Variants in LEKR1 observed in about 807,000 individuals in gnomAD.
The protein encoded by LEKR1 is protein LEKR1.
LEKR1 carries 59 observed loss-of-function variants against 72.4 expected under a neutral mutation model. The observed-to-expected ratio is 0.82, with a 90% confidence interval of 0.66 to 1.01. LEKR1 has a LOEUF of 1.01. Among genes scored for constraint, LEKR1 ranks in the 50% least tolerant of loss-of-function variants. The pLI, the probability that LEKR1 is intolerant of heterozygous loss-of-function variation, is 0.00. For missense variants in LEKR1, 728 were observed against 759.2 expected, an observed-to-expected ratio of 0.96 and a Z score of 0.48; for synonymous variants, 257 against 263.2, an observed-to-expected ratio of 0.98 and a Z score of 0.23.
At chr3:156,948,413 C>T (rs564012312) in intron 6 of LEKR1, among the ~76,000 whole-genome samples, 1 of 151,246 alleles carries the variant, frequency 6.6e-6, no homozygotes, top group African/African-American at 2.4e-5. Context: ...ATTAGTGACT[C>T]TTGGGCCTAC....
rs1257794166 is a variant in LEKR1 at position 157,028,179 on chromosome 3, C to T, written c.1445C>T (p.Ser482Phe). 1 of 1,611,546 alleles carries T rather than the reference C, an allele frequency of 6.2e-7. No individual in the cohort carries two copies. Among genetic ancestry groups the T allele is most frequent in the Admixed American group, 1.7e-5 (1 of 59,796 alleles). Residue 482 changes from serine (S) to phenylalanine (F), a missense_variant, in exon 12 of 13, where the codon TCC becomes TTC. By Grantham distance (155) the Ser-to-Phe change is radical. Transcript: ENST00000356539. ...ACTCTTAAAGAAAAACTTCACAAAT[C>T]CCATATTCGGTACACTGAAGAATCT... ...VTTLKEKLHKSHIRYTEESNS... is the reference protein window; with the variant it reads ...VTTLKEKLHKFHIRYTEESNS...
At position 156,993,005 on chromosome 3, in the gene LEKR1, A is replaced by G. The variant is rs141897536; in HGVS notation, c.906-69A>G. 3.1e-5 allele frequency: 24 copies of G among 785,782 alleles called. No homozygotes were observed. In the East Asian group the frequency reaches 6.2e-4, roughly 20 times the overall value. The allele number at this position is 785,782 out of a possible 1,614,324, so 48.7% of individuals were successfully genotyped here. A position where few individuals can be genotyped will look rare whatever the true frequency, so the allele number is the denominator to read the frequency against. On this transcript the variant is annotated intron_variant, in intron 8 of 12. Coordinates refer to ENST00000356539, the MANE Select transcript of LEKR1 (RefSeq NM_001004316.3). ...CTATAATTTCAAATGAGCTCTTGAT[A>G]CATCTTTGGTAAATATAAAATGTAG...
chr3:157,042,060 T>C (rs552199873), intron 12 of LEKR1, among the ~76,000 whole-genome samples: 6 of 152,342 alleles, frequency 3.9e-5, no homozygotes, highest in African/African-American at 7.2e-5. Flanking sequence ...ATTGAATAGA[T>C]TATAAATCTG....
intron 3 of LEKR1, among the ~76,000 whole-genome samples, chr3:156,912,015 A>T (rs1025761100): frequency 3.3e-5 from 5 of 149,996 alleles, no homozygotes; most frequent in Non-Finnish European, 7.4e-5. Flanking sequence ...AAATTTTAGG[A>T]TTTTTTTTCT....
chr3:156,978,755 A>G (rs1394620468), intron 6 of LEKR1, among the ~76,000 whole-genome samples: 1 of 151,904 alleles, frequency 6.6e-6, no homozygotes. Context: ...AGCCTGGAAC[A>G]TGATTTGTCT....
chr3:156,969,630 A>G (rs893353265), intron 6 of LEKR1, among the ~76,000 whole-genome samples: 2 of 152,018 alleles, frequency 1.3e-5, no homozygotes, highest in African/African-American at 4.8e-5. Context: ...GCAATAATGA[A>G]TAGCTTACCA....
intron 6 of LEKR1, among the ~76,000 whole-genome samples, chr3:156,943,855 T>TA (rs909704214): frequency 6.6e-6 from 1 of 151,884 alleles, no homozygotes; most frequent in Non-Finnish European, 1.5e-5. Context: ...ATGCAACAGA[T>TA]AAAAATTTTA....
intron 3 of LEKR1, among the ~76,000 whole-genome samples, chr3:156,868,696 T>C (rs192198130): frequency 1.7e-4 from 26 of 152,178 alleles, no homozygotes; most frequent in Middle Eastern, 6.8e-3. Context: ...GTTGGGAATA[T>C]TTCAAATTAT....
chr3:157,033,650 C>T (rs1270109173), intron 12 of LEKR1, among the ~76,000 whole-genome samples: 2 of 152,166 alleles, frequency 1.3e-5, no homozygotes, highest in Non-Finnish European at 2.9e-5. Flanking sequence ...ATAGCAAGTG[C>T]TCATGTCGAA....
chr3:156,896,694 A>G (rs140865527), intron 3 of LEKR1, among the ~76,000 whole-genome samples: 3 of 152,360 alleles, frequency 2.0e-5, no homozygotes, highest in Non-Finnish European at 2.9e-5. Flanking sequence ...ATGCTGTTAT[A>G]TATACCCAAA....
Position 156,992,700 on chromosome 3 carries a change from T to A in LEKR1, c.875T>A (p.Leu292Gln). The change falls in exon 8 of 13, where the codon CTG becomes CAG. Residue 292 changes from leucine (L) to glutamine (Q), a missense_variant. By Grantham distance (113) the Leu-to-Gln change is moderately radical. Transcript: ENST00000356539. The stretch of plus-strand genomic sequence containing the variant: ...GACTGTCAAAGAGAACTTAAAAAAC[T>A]GAAGTTTGAATCCATTATTTCTGAG... ...ADDCQRELKK[L>Q]KFESIISESQ... 1.9e-6 allele frequency: 2 copies of A among 1,046,080 alleles called. No individual in the cohort carries two copies. The highest frequency in any genetic ancestry group is 2.4e-6 in the Non-Finnish European group (2 of 830,068). The allele number at this position is 1,046,080 out of a possible 1,614,324, so 64.8% of individuals were successfully genotyped here.
intron 12 of LEKR1, among the ~76,000 whole-genome samples, chr3:157,044,132 T>C (rs538817680): frequency 6.6e-6 from 1 of 152,340 alleles, no homozygotes; most frequent in East Asian, 1.9e-4. Context: ...TGTTTTACAC[T>C]AAGAAGCAGA....
intron 9 of LEKR1, among the ~76,000 whole-genome samples, chr3:156,999,667 C>T (rs1731861991): frequency 2.0e-5 from 3 of 152,176 alleles, no homozygotes; most frequent in South Asian, 2.1e-4. Context: ...TGCCATCTCT[C>T]CTTACCAAGC....
intron 9 of LEKR1, among the ~76,000 whole-genome samples, chr3:156,994,830 A>G (rs2108010944): frequency 6.6e-6 from 1 of 152,344 alleles, no homozygotes; most frequent in Non-Finnish European, 1.5e-5. Flanking sequence ...TACCCAGAAT[A>G]TCATATTTCC....
At chr3:157,041,909 C>G (rs1008842539) in intron 12 of LEKR1, among the ~76,000 whole-genome samples, 1 of 152,188 alleles carries the variant, frequency 6.6e-6, no homozygotes, top group African/African-American at 2.4e-5. Flanking sequence ...ATTCTTTTCA[C>G]GTATGATGGA....
At chr3:156,920,531 T>C in intron 3 of LEKR1, 44 bp from the exon 4 acceptor site, 2 of 1,230,722 alleles carry the variant, frequency 1.6e-6, no homozygotes, top group Non-Finnish European at 2.2e-6. Context: ...TTGAAAATTG[T>C]ACATATGAGA....
intron 4 of LEKR1, among the ~76,000 whole-genome samples, chr3:156,925,946 A>T (rs895594365): frequency 2.6e-5 from 4 of 152,170 alleles, no homozygotes; most frequent in Admixed American, 1.3e-4. Flanking sequence ...TATAATTTTT[A>T]AAATTAATCA....
chr3:156,877,939 C>A (rs1036253312), intron 3 of LEKR1, among the ~76,000 whole-genome samples: 2 of 151,948 alleles, frequency 1.3e-5, no homozygotes, highest in Non-Finnish European at 2.9e-5. Flanking sequence ...TGCACCACCA[C>A]GCCCGGCTAA....
At chr3:156,852,130 T>A (rs891435276) in intron 2 of LEKR1, 2 of 152,178 alleles carry the variant, frequency 1.3e-5, no homozygotes, top group African/African-American at 4.8e-5. Context: ...TCTCCGCATA[T>A]CAGCTGGTTA....
Sources: gnomAD v4.1 joint callset for allele counts (sites outside exome capture counted in the v4.1 genomes callset) on GRCh38, gnomAD v4.1.1 for gene constraint, MANE v1.5 for transcripts, NCBI Gene and HGNC (gene_info 2026-07-23, HGNC 2026-07-21) for gene names.